Variants in UBE2E2 observed in about 807,000 individuals in gnomAD.
UBE2E2 encodes the protein ubiquitin conjugating enzyme E2 E2.
In UBE2E2, 6 loss-of-function variants were observed where a neutral mutation model predicts 24.7. The observed-to-expected ratio is 0.24, with a 90% confidence interval of 0.13 to 0.48. The LOEUF (loss-of-function observed/expected upper bound fraction) is 0.48, where lower values mean the gene tolerates loss of function less well. UBE2E2 is among the 20% of genes least tolerant of loss of function. The pLI is 0.99. For synonymous variants in UBE2E2, 104 were observed against 83.6 expected, an observed-to-expected ratio of 1.24 and a Z score of -1.33; for missense variants, 169 against 245.0, an observed-to-expected ratio of 0.69 and a Z score of 2.07.
rs1670989553 is a variant in UBE2E2, at chr3:23,217,241, TTCTTTG to T, written c.177-15_177-10del. The T allele has an allele frequency of 6.2e-7, 1 of 1,603,466 alleles. No homozygotes were observed. The highest frequency in any genetic ancestry group is 8.5e-7 in the Non-Finnish European group (1 of 1,171,364). On this transcript the variant is annotated splice_polypyrimidine_tract_variant and intron_variant, in intron 2 of 5. Transcript: ENST00000396703. ...GAGTGAAGATATTTTTAACATAATGTTCTTTGTCTTTATTTTAAAGAATTCAGAAGG... is the reference window on the plus strand; with the variant it reads ...GAGTGAAGATATTTTTAACATAATGTTCTTTATTTTAAAGAATTCAGAAGG...
intron 5 of UBE2E2, among the ~76,000 whole-genome samples, chr3:23,547,343 A>G (rs1163391753): frequency 6.6e-6 from 1 of 152,216 alleles, no homozygotes; most frequent in Non-Finnish European, 1.5e-5. Context: ...CTTTTCCACC[A>G]TTTAAAATAC....
intron 3 of UBE2E2, among the ~76,000 whole-genome samples, chr3:23,222,805 A>G (rs1696692053): frequency 6.6e-6 from 1 of 151,652 alleles, no homozygotes; most frequent in Non-Finnish European, 1.5e-5. Flanking sequence ...ACTGTTCTCC[A>G]TAGTGGCTGT....
intron 3 of UBE2E2, among the ~76,000 whole-genome samples, chr3:23,450,452 CTGTGTGCCTCTTT>C (rs1373593697): frequency 6.6e-6 from 1 of 152,136 alleles, no homozygotes; most frequent in Non-Finnish European, 1.5e-5. Context: ...ATATTTAATG[CTGTGTGCCTCTTT>C]TAACATTGCT....
chr3:23,474,490 C>CA lies in UBE2E2; in HGVS notation c.228-25111dup, dbSNP rs1487682023. ...ATTGTACATTTCTAATAATCTATCA[C>CA]AAAAAAATCATAGAATTATAATGTA... is the stretch of plus-strand genomic sequence containing the variant. On this transcript the variant is annotated intron_variant, in intron 3 of 5. Transcript: ENST00000396703. The surrounding 1 kb of genome is among the most constrained non-coding windows in gnomAD (Gnocchi z 4.0). Among the ~76,000 whole-genome samples, 13 of 151,942 alleles carry CA rather than the reference C, an allele frequency of 8.6e-5. No individual in the cohort carries two copies. The highest frequency in any genetic ancestry group is 1.5e-4 in the Non-Finnish European group (10 of 68,016).
At chr3:23,501,227 C>T (rs1324640227) in intron 4 of UBE2E2, among the ~76,000 whole-genome samples, 1 of 152,174 alleles carries the variant, frequency 6.6e-6, no homozygotes, top group Non-Finnish European at 1.5e-5. Context: ...CTGATGTGAT[C>T]TGTTCCTTGA....
At chr3:23,309,368 C>T (rs915300697) in intron 3 of UBE2E2, among the ~76,000 whole-genome samples, 1 of 152,196 alleles carries the variant, frequency 6.6e-6, no homozygotes, top group Non-Finnish European at 1.5e-5. Flanking sequence ...AACATAGTTA[C>T]AATAGCTTAG....
At chr3:23,577,423 A>G (rs1005707854) in intron 5 of UBE2E2, among the ~76,000 whole-genome samples, 1 of 152,056 alleles carries the variant, frequency 6.6e-6, no homozygotes, top group Non-Finnish European at 1.5e-5. Flanking sequence ...CCTTAAGCCA[A>G]AGCCTAATCC....
chr3:23,388,851 A>T (rs1470789768), intron 3 of UBE2E2, among the ~76,000 whole-genome samples: 1 of 152,072 alleles, frequency 6.6e-6, no homozygotes, highest in Non-Finnish European at 1.5e-5. Flanking sequence ...CTAAAAATAC[A>T]AAAATTAGCT....
intron 3 of UBE2E2, among the ~76,000 whole-genome samples, chr3:23,271,998 G>C (rs2125363823): frequency 6.6e-6 from 1 of 152,332 alleles, no homozygotes; most frequent in African/African-American, 2.4e-5. Flanking sequence ...GGCCGTGGGT[G>C]GAGCTGCCCA....
intron 3 of UBE2E2, among the ~76,000 whole-genome samples, chr3:23,436,814 G>A (rs1277654101): frequency 6.6e-6 from 1 of 152,026 alleles, no homozygotes. Flanking sequence ...TTGTATCTCC[G>A]ACATTAGACC....
intron 3 of UBE2E2, among the ~76,000 whole-genome samples, chr3:23,290,464 G>T (rs1392272553): frequency 6.6e-6 from 1 of 152,122 alleles, no homozygotes; most frequent in East Asian, 1.9e-4. Flanking sequence ...GCCAATGTAG[G>T]TTTGAGGACC....
At chr3:23,483,828 G>C (rs533397626) in intron 3 of UBE2E2, among the ~76,000 whole-genome samples, 2 of 152,270 alleles carry the variant, frequency 1.3e-5, no homozygotes, top group Non-Finnish European at 2.9e-5. Context: ...GGGGCAGGGT[G>C]GGAGTTCCAG....
At chr3:23,353,589 A>G (rs1158304377) in intron 3 of UBE2E2, among the ~76,000 whole-genome samples, 2 of 152,198 alleles carry the variant, frequency 1.3e-5, no homozygotes, top group Non-Finnish European at 2.9e-5. Flanking sequence ...TTATACACCA[A>G]TAGCAGACAA....
In UBE2E2 at chr3:23,440,199, A is replaced by G. The variant is rs761710093; in HGVS notation, c.228-59409A>G. ...TGACGCAGGAGAATCGCTTGAACTC[A>G]GGGGTCGGAGGTTGCAGTGAGCCAA... On this transcript the variant is annotated intron_variant, in intron 3 of 5. Transcript: ENST00000396703. Among the ~76,000 whole-genome samples, 8 of 152,210 alleles carry G rather than the reference A, an allele frequency of 5.3e-5. No homozygotes were observed. In the Middle Eastern group the frequency reaches 0.01, roughly 194 times the overall value.
intron 3 of UBE2E2, among the ~76,000 whole-genome samples, chr3:23,482,155 T>G (rs1699272437): frequency 6.6e-6 from 1 of 152,248 alleles, no homozygotes; most frequent in Non-Finnish European, 1.5e-5. Context: ...ACTTCACTCT[T>G]TTGAGCAACA....
chr3:23,302,763 A>G (rs1160225586), intron 3 of UBE2E2, among the ~76,000 whole-genome samples: 2 of 152,240 alleles, frequency 1.3e-5, no homozygotes, highest in African/African-American at 4.8e-5. Flanking sequence ...GCCATAGAAA[A>G]TGTTTAAACT....
At chr3:23,247,360 T>G (rs563701693) in intron 3 of UBE2E2, among the ~76,000 whole-genome samples, 441 of 150,788 alleles carry the variant, frequency 2.9e-3, no homozygotes, top group African/African-American at 0.01. Context: ...TGAGTGTATT[T>G]TTTTTTTTTT....
intron 4 of UBE2E2, among the ~76,000 whole-genome samples, chr3:23,502,894 T>C (rs1392736495): frequency 3.9e-5 from 6 of 152,212 alleles, no homozygotes; most frequent in Admixed American, 2.0e-4. Flanking sequence ...TCTTTTCTTG[T>C]ATGACATTGT....
chr3:23,316,654 T>C (rs1023110078), intron 3 of UBE2E2, among the ~76,000 whole-genome samples: 1 of 151,594 alleles, frequency 6.6e-6, no homozygotes, highest in Non-Finnish European at 1.5e-5. Flanking sequence ...TCTTCTACTT[T>C]TCTCAAGCAG....
Sources: allele counts gnomAD v4.1 joint callset (sites outside exome capture counted in the v4.1 genomes callset), GRCh38; gene constraint gnomAD v4.1.1; non-coding constraint Gnocchi (gnomAD v3.1); transcripts MANE v1.5; gene names NCBI Gene and HGNC (gene_info 2026-07-23, HGNC 2026-07-21).